The following EPB41L5 variants were observed in gnomAD, a reference collection of about 807,000 sequenced individuals.
EPB41L5 encodes erythrocyte membrane protein band 4.1 like 5, also known as band 4.1-like protein 5.
Under a neutral mutation model 106.6 loss-of-function variants are expected in EPB41L5, and 55 were observed. The ratio of observed to expected loss-of-function variants is 0.52; its 90% confidence interval spans 0.42 to 0.65. The LOEUF is 0.65. EPB41L5 is among the 30% of genes least tolerant of loss of function. EPB41L5 has a pLI of 0.00. For synonymous variants in EPB41L5, 297 were observed against 306.7 expected (o/e 0.97, Z 0.33); for missense variants, 871 against 882.1 (o/e 0.99, Z 0.16).
At position 120,048,280 on chromosome 2, in the gene EPB41L5, G is replaced by A. The variant is rs529016361; in HGVS notation, c.285+6170G>A. Among the ~76,000 whole-genome samples the A allele has an allele frequency of 9.2e-5, 14 of 152,154 alleles. No homozygotes were observed. The East Asian group carries it at 1.4e-3, about 15-fold the overall frequency. On this transcript the variant is annotated intron_variant, in intron 3 of 24. Transcript: ENST00000263713. The stretch of plus-strand genomic sequence containing the variant: ...TCTGGTAGAATTCGGCTGTGAATCC[G>A]TCTGGTCCTGGGCTTTTTTTTGGTT...
At chr2:120,115,297 C>A (rs1267247914) in intron 16 of EPB41L5, among the ~76,000 whole-genome samples, 2 of 152,142 alleles carry the variant, frequency 1.3e-5, no homozygotes, top group Non-Finnish European at 2.9e-5. Flanking sequence ...TCATTTGTTT[C>A]TGTATGTCAT....
rs1354195385 is a variant in EPB41L5 at position 120,177,004 on chromosome 2, G to C, written c.*2097G>C. ...AAGCTCAGAGGAAACTTTGTCTCAT[G>C]CCCTGACATGAAGTGGCAAACACGG... is the stretch of plus-strand genomic sequence containing the variant. On this transcript the variant is annotated 3_prime_UTR_variant, in exon 25 of 25. Coordinates refer to ENST00000263713, the MANE Select transcript of EPB41L5 (RefSeq NM_020909.4). The C allele has an allele frequency of 6.6e-6, 1 of 152,168 alleles. No homozygotes were observed. The highest frequency in any genetic ancestry group is 1.5e-5 in the Non-Finnish European group (1 of 68,038). The allele number at this position is 152,168 out of a possible 1,614,324, so 9.4% of individuals were successfully genotyped here.
At chr2:120,090,202 C>T (rs1010649173) in intron 11 of EPB41L5, 145 bp from the exon 12 acceptor site, 3 of 540,348 alleles carry the variant, frequency 5.6e-6, no homozygotes, top group African/African-American at 4.0e-5. Flanking sequence ...CAGCTCTGCC[C>T]TTATTATGTT....
intron 24 of EPB41L5, among the ~76,000 whole-genome samples, 159 bp from the exon 25 acceptor site, chr2:120,174,682 A>G (rs1278842447): frequency 1.3e-5 from 2 of 152,230 alleles, no homozygotes; most frequent in East Asian, 1.9e-4. Flanking sequence ...TTTCCCTTCT[A>G]TGGAATATCT....
intron 4 of EPB41L5, among the ~76,000 whole-genome samples, chr2:120,073,762 A>G (rs1373534377): frequency 6.6e-6 from 1 of 152,148 alleles, no homozygotes; most frequent in Non-Finnish European, 1.5e-5. Flanking sequence ...TTTGTGTGGG[A>G]AGATTCACCA....
At chr2:120,166,375 C>CTAT (rs1225955365) in intron 22 of EPB41L5, among the ~76,000 whole-genome samples, 1 of 152,034 alleles carries the variant, frequency 6.6e-6, no homozygotes, top group Non-Finnish European at 1.5e-5. Flanking sequence ...TTTTTGTTTA[C>CTAT]TATTATTTAT....
chr2:120,114,215 C>G (rs1252020131), intron 16 of EPB41L5, among the ~76,000 whole-genome samples: 1 of 152,124 alleles, frequency 6.6e-6, no homozygotes, highest in African/African-American at 2.4e-5. Context: ...ATATTTTGAT[C>G]TGCTTATTGA....
At chr2:120,075,440 C>CT in intron 5 of EPB41L5, 36 bp from the exon 6 acceptor site, 1 of 1,324,108 alleles carries the variant, frequency 7.6e-7, no homozygotes, top group Non-Finnish European at 1.1e-6. Flanking sequence ...GTCGATTGTG[C>CT]TGTTGGGTTA....
chr2:120,143,714 C>T (rs1234700205), intron 19 of EPB41L5, among the ~76,000 whole-genome samples: 2 of 152,132 alleles, frequency 1.3e-5, no homozygotes, highest in Non-Finnish European at 2.9e-5. Flanking sequence ...CCCATCCTGT[C>T]CTCAGGTACA....
intron 16 of EPB41L5, among the ~76,000 whole-genome samples, chr2:120,125,587 T>C (rs1216565148): frequency 6.6e-6 from 1 of 152,228 alleles, no homozygotes; most frequent in African/African-American, 2.4e-5. Flanking sequence ...GAGGTTCTTT[T>C]AGAGCCTCCA....
chr2:120,114,894 TTGTCTATC>T (rs1354352037), intron 16 of EPB41L5, among the ~76,000 whole-genome samples: 1 of 152,204 alleles, frequency 6.6e-6, no homozygotes, highest in Non-Finnish European at 1.5e-5. Flanking sequence ...AGAACTATTG[TTGTCTATC>T]TCTAAACTTC....
chr2:120,100,324 C>G (rs768135359), intron 15 of EPB41L5, 38 bp downstream of exon 15: 20 of 1,582,588 alleles, frequency 1.3e-5, no homozygotes, highest in Non-Finnish European at 1.4e-5. Flanking sequence ...CTGGATCACC[C>G]GTTAATTATG....
At chr2:120,039,555 G>T (rs1009347337) in intron 2 of EPB41L5, among the ~76,000 whole-genome samples, 4 of 152,120 alleles carry the variant, frequency 2.6e-5, no homozygotes, top group African/African-American at 9.7e-5. Context: ...GCCAGGCGTG[G>T]TGGCTCACAC....
In EPB41L5 at chr2:120,103,996, C is replaced by G. The variant is rs913077616; in HGVS notation, c.1337+3182C>G. On this transcript the variant is annotated intron_variant, in intron 16 of 24. Transcript: ENST00000263713. Reference sequence around the variant, plus strand: ...TACCTTTCCCCTTTATTGTCTCTTACACATCCATTTTCTCCTATTCCTATT... The same window carrying G: ...TACCTTTCCCCTTTATTGTCTCTTAGACATCCATTTTCTCCTATTCCTATT... 2.1e-6 allele frequency: 3 copies of G among 1,447,266 alleles called. No individual in the cohort carries two copies. In the South Asian group the frequency reaches 4.5e-5, roughly 22 times the overall value. 89.7% of individuals were successfully genotyped at this position (1,447,266 alleles called of 1,614,324 possible). A position where few individuals can be genotyped will look rare whatever the true frequency, so the allele number is the denominator to read the frequency against.
At chr2:120,156,651 A>C (rs2105525811) in intron 20 of EPB41L5, among the ~76,000 whole-genome samples, 1 of 152,292 alleles carries the variant, frequency 6.6e-6, no homozygotes, top group Middle Eastern at 3.4e-3. Context: ...CCCCATCACG[A>C]GCAACCACCC....
At chr2:120,037,915 G>A (rs1263608445) in intron 2 of EPB41L5, among the ~76,000 whole-genome samples, 1 of 152,140 alleles carries the variant, frequency 6.6e-6, no homozygotes, top group African/African-American at 2.4e-5. Context: ...CAAAGACATA[G>A]AGACCTAAAA....
chr2:120,164,459 G>A (rs1200224585), intron 21 of EPB41L5, among the ~76,000 whole-genome samples: 3 of 152,046 alleles, frequency 2.0e-5, no homozygotes, highest in African/African-American at 4.8e-5. Flanking sequence ...GGATCCTCCC[G>A]CCTTGGCCTC....
intron 16 of EPB41L5, among the ~76,000 whole-genome samples, chr2:120,111,168 C>G (rs929720750): frequency 6.6e-6 from 1 of 152,146 alleles, no homozygotes; most frequent in Non-Finnish European, 1.5e-5. Flanking sequence ...CCATGTTTTT[C>G]ATGGTTGGCC....
chr2:120,042,892 A>G (rs1005693759), intron 3 of EPB41L5, among the ~76,000 whole-genome samples: 2 of 152,088 alleles, frequency 1.3e-5, no homozygotes, highest in Non-Finnish European at 1.5e-5. Flanking sequence ...AGTTATTACA[A>G]ATACTTTAGG....
Sources: allele counts gnomAD v4.1 joint callset (sites outside exome capture counted in the v4.1 genomes callset), GRCh38; gene constraint gnomAD v4.1.1; transcripts MANE v1.5; gene names NCBI Gene and HGNC (gene_info 2026-07-23, HGNC 2026-07-21).